CES5A: variants seen among roughly 807,000 people sequenced by gnomAD.
CES5A encodes carboxylesterase 5A.
Under a neutral mutation model 62.9 loss-of-function variants are expected in CES5A, and 67 were observed. The ratio of observed to expected loss-of-function variants is 1.07; its 90% CI spans 0.88 to 1.31. The LOEUF (loss-of-function observed/expected upper bound fraction) is 1.31, where lower values mean the gene tolerates loss of function less well. Among genes scored for constraint, CES5A ranks in the 50% most tolerant of loss-of-function variants. The pLI is 0.00. For synonymous variants in CES5A, 296 were observed against 280.8 expected (o/e 1.05, Z -0.54); for missense variants, 748 against 708.5 (o/e 1.06, Z -0.63).
At chr16:55,930,779 A>T (rs1488687133) in intron 2 of CES5A, among the ~76,000 whole-genome samples, 1 of 152,242 alleles carries the variant, frequency 6.6e-6, no homozygotes, top group East Asian at 1.9e-4. Flanking sequence ...TCATGAAAAC[A>T]GAGAGATTGG....
intron 9 of CES5A, among the ~76,000 whole-genome samples, chr16:55,855,986 G>T (rs1211391308): frequency 2.6e-5 from 4 of 152,082 alleles, no homozygotes; most frequent in Admixed American, 2.6e-4. Flanking sequence ...ATGAGATTTG[G>T]TTGTTTAAAA....
chr16:55,914,213 C>A (rs1262846310), intron 1 of CES5A, among the ~76,000 whole-genome samples: 4 of 152,118 alleles, frequency 2.6e-5, no homozygotes, highest in African/African-American at 9.7e-5. Context: ...CACTTTTGTT[C>A]AGTTTCCTCA....
At chr16:55,905,469 C>T in intron 1 of CES5A, among the ~76,000 whole-genome samples, 1 of 151,718 alleles carries the variant, frequency 6.6e-6, no homozygotes, top group Non-Finnish European at 1.5e-5. Flanking sequence ...CAAGTTCAAA[C>T]AATTCTCCTG....
At chr16:55,899,645 A>G (rs1222196250) in intron 1 of CES5A, among the ~76,000 whole-genome samples, 1 of 152,202 alleles carries the variant, frequency 6.6e-6, no homozygotes, top group African/African-American at 2.4e-5. Flanking sequence ...AGGTTAAAGC[A>G]GTCGTTCCCA....
chr16:55,868,136 C>T (rs2033502992), intron 4 of CES5A, among the ~76,000 whole-genome samples: 1 of 152,202 alleles, frequency 6.6e-6, no homozygotes, highest in African/African-American at 2.4e-5. Context: ...GCATCCATCT[C>T]CTGCTGTAGC....
chr16:55,915,577 CCTGGAATAT>C (rs2034139946), intron 1 of CES5A, among the ~76,000 whole-genome samples: 1 of 151,974 alleles, frequency 6.6e-6, no homozygotes, highest in Admixed American at 6.6e-5. Context: ...CAGGAAGAGG[CCTGGAATAT>C]CTGATCATTG....
chr16:55,873,729 C>G (rs1330616514), intron 2 of CES5A, 104 bp downstream of exon 2: 1 of 1,052,266 alleles, frequency 9.5e-7, no homozygotes, highest in East Asian at 2.5e-5. Flanking sequence ...TCTCCCTCCT[C>G]CCCCATCCAT....
At chr16:55,875,777 C>G (rs1326124469), upstream of CES5A, among the ~76,000 whole-genome samples, 1 of 152,210 alleles carries the variant, frequency 6.6e-6, no homozygotes, top group Non-Finnish European at 1.5e-5. Flanking sequence ...CTTGAGGCTT[C>G]TTCGATTATA....
At chr16:55,937,465 A>T (rs2034388790) in intron 2 of CES5A, among the ~76,000 whole-genome samples, 1 of 152,026 alleles carries the variant, frequency 6.6e-6, no homozygotes, top group African/African-American at 2.4e-5. Context: ...CATTGCCCGC[A>T]GCAAGTGGCA....
intron 1 of CES5A, among the ~76,000 whole-genome samples, chr16:55,954,668 C>G (rs2034590654): frequency 6.6e-6 from 1 of 152,132 alleles, no homozygotes; most frequent in African/African-American, 2.4e-5. Context: ...AGGTGTGGAA[C>G]CTCAGCCAGC....
chr16:55,875,999 T>C (rs2033687752), upstream of CES5A, among the ~76,000 whole-genome samples: 1 of 152,232 alleles, frequency 6.6e-6, no homozygotes, highest in South Asian at 2.1e-4. Context: ...AAAATCCAAT[T>C]TAACTGCCAC....
intron 2 of CES5A, among the ~76,000 whole-genome samples, chr16:55,945,467 G>A (rs773397700): frequency 6.6e-6 from 1 of 152,296 alleles, no homozygotes; most frequent in Admixed American, 6.5e-5. Context: ...CAGACTATAC[G>A]GCCAGTCCCA....
intron 1 of CES5A, among the ~76,000 whole-genome samples, chr16:55,908,491 G>C (rs1441939079): frequency 1.4e-4 from 22 of 152,164 alleles, no homozygotes. Context: ...CTCCCAAGTA[G>C]CTGGGATTAG....
intron 2 of CES5A, among the ~76,000 whole-genome samples, chr16:55,930,615 C>T (rs1377763852): frequency 2.0e-5 from 3 of 152,208 alleles, no homozygotes; most frequent in African/African-American, 4.8e-5. Context: ...TTTTGGACTT[C>T]CCAGTCTTCA....
chr16:55,848,202 T>C (rs2033054955), intron 11 of CES5A, among the ~76,000 whole-genome samples: 1 of 152,156 alleles, frequency 6.6e-6, no homozygotes, highest in Admixed American at 6.6e-5. Context: ...GAACTCGGGC[T>C]CAAGTGATCC....
chr16:55,851,201 A>C (rs1410875212), intron 10 of CES5A, among the ~76,000 whole-genome samples: 1 of 152,222 alleles, frequency 6.6e-6, no homozygotes, highest in Non-Finnish European at 1.5e-5. Flanking sequence ...GTAAGAAGGC[A>C]ACCCGGCAAC....
chr16:55,888,622 C>T (rs1033685472), intron 1 of CES5A, among the ~76,000 whole-genome samples: 5 of 152,226 alleles, frequency 3.3e-5, no homozygotes, highest in Non-Finnish European at 7.3e-5. Flanking sequence ...TAGTCTTTGT[C>T]TCAGGCTCTG....
intron 1 of CES5A, among the ~76,000 whole-genome samples, chr16:55,891,101 A>G (rs1282455597): frequency 6.6e-6 from 1 of 151,970 alleles, no homozygotes; most frequent in Admixed American, 6.6e-5. Context: ...ATTTCCTGCT[A>G]TGCCATAACC....
chr16:55,861,034 C>T (rs1253185002), intron 7 of CES5A, among the ~76,000 whole-genome samples: 1 of 152,186 alleles, frequency 6.6e-6, no homozygotes, highest in East Asian at 1.9e-4. Context: ...CAACTGAGGT[C>T]TTGGAAGGTT....
Sources: allele counts gnomAD v4.1 joint callset (sites outside exome capture counted in the v4.1 genomes callset), GRCh38; gene constraint gnomAD v4.1.1; transcripts MANE v1.5; gene names NCBI Gene and HGNC (gene_info 2026-07-23, HGNC 2026-07-21).